TCP10L: variants seen among roughly 807,000 people sequenced by gnomAD.
TCP10L encodes the protein T-complex protein 10A homolog 1.
Under a neutral mutation model 19.2 loss-of-function variants are expected in TCP10L, and 11 were observed. That is an observed-to-expected ratio of 0.57 (90% CI 0.36 to 0.95). The LOEUF (loss-of-function observed/expected upper bound fraction) is 0.95. Ranked by LOEUF, TCP10L falls within the 40% of genes least tolerant of loss-of-function variation. The pLI, the probability that TCP10L is intolerant of heterozygous loss-of-function variation, is 0.01. For missense variants in TCP10L, 247 were observed against 263.9 expected, an observed-to-expected ratio of 0.94 and a Z score of 0.44; for synonymous variants, 96 against 97.2, an observed-to-expected ratio of 0.99 and a Z score of 0.07.
At chr21:32,584,052 T>C (rs2833916) in intron 2 of TCP10L, 109 bp downstream of exon 2, 526,434 of 1,410,202 alleles carry the variant, frequency 0.37, 100,502 homozygotes, top group African/African-American at 0.53. Flanking sequence ...CCCGGGGTGG[T>C]GCATTCCTAC....
At chr21:32,579,618 T>G (rs1053556223) in intron 3 of TCP10L, among the ~76,000 whole-genome samples, 2 of 152,178 alleles carry the variant, frequency 1.3e-5, no homozygotes, top group Non-Finnish European at 2.9e-5. Context: ...ACCAGTGCAA[T>G]GCACAGAATG....
In TCP10L at chr21:32,574,529, G is replaced by A. The variant is rs181162662; in HGVS notation, c.*2245C>T. 6.0e-6 allele frequency: 1 copy of A among 167,142 alleles called. No individual in the cohort carries two copies. The highest frequency in any genetic ancestry group is 1.5e-5 in the Non-Finnish European group (1 of 68,184). The allele number at this position is 167,142 out of a possible 1,614,324, so 10.4% of individuals were successfully genotyped here. A position where few individuals can be genotyped will look rare whatever the true frequency, so the allele number is the denominator to read the frequency against. ...AGGTGAGCTTCTCAGGTCTCCCTCA[G>A]GGGAACCTGGCGGGCCACCCTTGCA... On this transcript the variant is annotated 3_prime_UTR_variant, in exon 5 of 5. Transcript: ENST00000300258.
chr21:32,579,403 A>G (rs1374277131), intron 3 of TCP10L, among the ~76,000 whole-genome samples: 1 of 152,194 alleles, frequency 6.6e-6, no homozygotes, highest in Non-Finnish European at 1.5e-5. Flanking sequence ...TATCAGATCC[A>G]GAGTGGCTCA....
In TCP10L at chr21:32,578,645, G is replaced by C; in HGVS notation, c.498+49C>G. The C allele has an allele frequency of 6.3e-7, 1 of 1,584,240 alleles. No individual in the cohort carries two copies. The highest frequency in any genetic ancestry group is 8.6e-7 in the Non-Finnish European group (1 of 1,166,078). Reference sequence around the variant, plus strand: ...GGAGCTGATGGGATGTGTGTGTTTGGGTACAGAACCTCTGCTTCTCTTTAC... The same window carrying C: ...GGAGCTGATGGGATGTGTGTGTTTGCGTACAGAACCTCTGCTTCTCTTTAC... On this transcript the variant is annotated intron_variant, in intron 4 of 4. Transcript: ENST00000300258. The surrounding 1 kb of genome is among the most constrained non-coding windows in gnomAD (Gnocchi z 4.2).
chr21:32,580,124 C>T (rs183130501), intron 3 of TCP10L, among the ~76,000 whole-genome samples: 1 of 151,930 alleles, frequency 6.6e-6, no homozygotes, highest in African/African-American at 2.4e-5. Context: ...TTGTTTTTTT[C>T]AGACGGAGTC....
In TCP10L at chr21:32,584,300, A is replaced by G; in HGVS notation, c.5T>C (p.Leu2Pro). The change falls in exon 2 of 5, where the codon CTG becomes CCG. Residue 2 changes from leucine to proline, a missense_variant. Transcript: ENST00000300258. Reference protein sequence around the residue: MLAGQLEARDPK... With the variant: MPAGQLEARDPK... ...GTCCCTGGCCTCGAGTTGACCTGCC[A>G]GCATCCTGGTTGGGAAGGGAAGGGC... The G allele has an allele frequency of 1.2e-6, 2 of 1,613,478 alleles. No homozygotes were observed. The highest frequency in any genetic ancestry group is 2.2e-5 in the South Asian group (2 of 91,010).
chr21:32,583,679 C>T (rs560871954), intron 2 of TCP10L, among the ~76,000 whole-genome samples: 2 of 151,824 alleles, frequency 1.3e-5, no homozygotes, highest in Admixed American at 6.5e-5. Context: ...TTCACTGGAT[C>T]GTAGAGCCTC....
At position 32,583,811 on chromosome 21, in the gene TCP10L, G is replaced by A. The variant is rs932673346; in HGVS notation, c.144+350C>T. On this transcript the variant is annotated intron_variant, in intron 2 of 4. Transcript: ENST00000300258. ...AGCACTGTCCAACAGGGTCCAATGA[G>A]GAAGATGGTAAAAATCAGGAAACTT... Among the ~76,000 whole-genome samples, 4 of 69,070 alleles carry A rather than the reference G, an allele frequency of 5.8e-5. No individual in the cohort carries two copies. In the East Asian group the frequency reaches 2.0e-3, roughly 34 times the overall value. The allele number at this position is 69,070 out of a possible 152,430, so 45.3% of individuals were successfully genotyped here.
In TCP10L at chr21:32,578,012, ATGCTAC is replaced by A. The variant is rs2038453473; in HGVS notation, c.498+676_498+681del. On this transcript the variant is annotated intron_variant, in intron 4 of 4. Coordinates refer to ENST00000300258, the MANE Select transcript of TCP10L (RefSeq NM_144659.7). This position sits in a 1 kb window ranked among gnomAD's most constrained non-coding sequence, Gnocchi z 4.2. ...CATGTCCTTAAGGCACAGATCGCTCATGCTACTGTTTGTGGTTTAAGAACGCCTTTA... is the reference window on the plus strand; with the variant it reads ...CATGTCCTTAAGGCACAGATCGCTCATGTTTGTGGTTTAAGAACGCCTTTA... Among the ~76,000 whole-genome samples the A allele has an allele frequency of 6.6e-6, 1 of 152,266 alleles. No homozygotes were observed. The highest frequency in any genetic ancestry group is 1.5e-5 in the Non-Finnish European group (1 of 68,050).
intron 4 of TCP10L, chr21:32,577,286 C>T: frequency 5.0e-6 from 1 of 199,586 alleles, no homozygotes. Flanking sequence ...TCGTACATTG[C>T]CCCGCATGCC....
Position 32,576,735 on chromosome 21 carries a change from T to G in TCP10L, c.*39A>C, listed in dbSNP as rs374147060. 4.4e-6 allele frequency: 7 copies of G among 1,603,942 alleles called. No individual in the cohort carries two copies. The African/African-American group carries it at 9.4e-5, about 22-fold the overall frequency. On this transcript the variant is annotated 3_prime_UTR_variant, in exon 5 of 5. Transcript: ENST00000300258. ...GAATCTGAATTTTCCAAGGGGCCAGTGTAGAGTGACACAGGTGTCCGAGGC... is the reference window on the plus strand; with the variant it reads ...GAATCTGAATTTTCCAAGGGGCCAGGGTAGAGTGACACAGGTGTCCGAGGC...
chr21:32,578,886 A>G lies in TCP10L; in HGVS notation c.361-55T>C. On this transcript the variant is annotated intron_variant, in intron 3 of 4. Coordinates refer to ENST00000300258, the MANE Select transcript of TCP10L (RefSeq NM_144659.7). The surrounding 1 kb of genome is among the most constrained non-coding windows in gnomAD (Gnocchi z 4.2). ...ACATTTTCGAAGGTAAAATAAATTC[A>G]AATTTTAATACAATGAAGAATAATT... is the stretch of plus-strand genomic sequence containing the variant. 1 of 1,612,204 alleles carries G rather than the reference A, an allele frequency of 6.2e-7. No homozygotes were observed. Among genetic ancestry groups the G allele is most frequent in the Non-Finnish European group, 8.5e-7 (1 of 1,179,158 alleles).
chr21:32,583,288 G>A (rs1601127417), intron 2 of TCP10L, among the ~76,000 whole-genome samples: 2 of 151,694 alleles, frequency 1.3e-5, no homozygotes, highest in East Asian at 1.9e-4. Flanking sequence ...ATGGTCAATA[G>A]TTTAAAAATT....
rs1207873458 is a variant in TCP10L, at chr21:32,582,598, CT to C, written c.145-184del. 6.6e-6 allele frequency among the ~76,000 whole-genome samples: 1 copy of C among 151,990 alleles called. No homozygotes were observed. Among genetic ancestry groups the C allele is most frequent in the Non-Finnish European group, 1.5e-5 (1 of 68,008 alleles). ...TCTTCTTTCTTTCCTTTCTTTCTTT[CT>C]TTTCTTTTCTTTTTTCAGGGTCTCA... On this transcript the variant is annotated intron_variant, in intron 2 of 4. Transcript: ENST00000300258. This position sits in a 1 kb window ranked among gnomAD's most constrained non-coding sequence, Gnocchi z 4.2.
At position 32,580,476 on chromosome 21, in the gene TCP10L, C is replaced by CTGTGTGTGTGTGTGTGTG. The variant is rs3056366; in HGVS notation, c.361-1663_361-1646dup. ...CCTCTGGAATGTATTCGGTGGGTGC[C>CTGTGTGTGTGTGTGTGTG]TGTGTGTGTGTGTGTGTGTGTGTGT... On this transcript the variant is annotated intron_variant, in intron 3 of 4. Coordinates refer to ENST00000300258, the MANE Select transcript of TCP10L (RefSeq NM_144659.7). Among the ~76,000 whole-genome samples the CTGTGTGTGTGTGTGTGTG allele has an allele frequency of 1.1e-4, 15 of 137,318 alleles. No homozygotes were observed. The East Asian group carries it at 1.5e-3, about 14-fold the overall frequency. The allele number at this position is 137,318 out of a possible 152,430, so 90.1% of individuals were successfully genotyped here.
In TCP10L at chr21:32,582,508, C is replaced by A; in HGVS notation, c.145-93G>T. On this transcript the variant is annotated intron_variant, in intron 2 of 4. Coordinates refer to ENST00000300258, the MANE Select transcript of TCP10L (RefSeq NM_144659.7). The surrounding 1 kb of genome is among the most constrained non-coding windows in gnomAD (Gnocchi z 4.2). ...TACTCAAGCCCTCTCTGATGTAAGACCAACACTATTTCTGGAATAAAAGAC... is the reference window on the plus strand; with the variant it reads ...TACTCAAGCCCTCTCTGATGTAAGAACAACACTATTTCTGGAATAAAAGAC... 8.6e-7 allele frequency: 1 copy of A among 1,168,718 alleles called. No homozygotes were observed. The highest frequency in any genetic ancestry group is 1.2e-6 in the Non-Finnish European group (1 of 822,380). 72.4% of individuals were successfully genotyped at this position (1,168,718 alleles called of 1,614,324 possible).
At position 32,584,151 on chromosome 21, in the gene TCP10L, C is replaced by G; in HGVS notation, c.144+10G>C. 1 of 1,609,894 alleles carries G rather than the reference C, an allele frequency of 6.2e-7. No homozygotes were observed. The highest frequency in any genetic ancestry group is 8.5e-7 in the Non-Finnish European group (1 of 1,177,274). ...TGGGACTAACTCTGTCCCCACAGAG[C>G]TCAACTCACTGGCATCTCCCCAGTG... is the stretch of plus-strand genomic sequence containing the variant. On this transcript the variant is annotated intron_variant, in intron 2 of 4. Transcript: ENST00000300258.
chr21:32,580,168 C>T lies in TCP10L; in HGVS notation c.361-1337G>A, dbSNP rs576696882. Among the ~76,000 whole-genome samples, 18 of 152,156 alleles carry T rather than the reference C, an allele frequency of 1.2e-4. 1 individual carries two copies. The highest frequency in any genetic ancestry group is 3.4e-3 in the Middle Eastern group (1 of 294). On this transcript the variant is annotated intron_variant, in intron 3 of 4. Coordinates refer to ENST00000300258, the MANE Select transcript of TCP10L (RefSeq NM_144659.7). ...TCCCCCAGGCTGGAGTGCAGTGGCG[C>T]GATCTCGGCTCACTGCAAGCTCCAC... is the stretch of plus-strand genomic sequence containing the variant.
rs746406922 is a variant in TCP10L, at chr21:32,578,819, C to G, written c.373G>C (p.Ala125Pro). Residue 125 changes from alanine (A) to proline (P), a missense_variant, in exon 4 of 5, where the codon GCT (alanine) becomes CCT (proline). Ala to Pro is a conservative substitution (Grantham distance 27, BLOSUM62 -1). Coordinates refer to ENST00000300258, the MANE Select transcript of TCP10L (RefSeq NM_144659.7). This position sits in a 1 kb window ranked among gnomAD's most constrained non-coding sequence, Gnocchi z 4.2. The stretch of plus-strand genomic sequence containing the variant: ...GACAGAGGTGAAATTTTTCCAAAAG[C>G]AGGTTCCAATGCCTAAAAGACAAAA... The part of the protein sequence containing the change: ...QESHTLALEP[A>P]FGKISPLSAD... 1.9e-6 allele frequency: 3 copies of G among 1,614,112 alleles called. No individual in the cohort carries two copies. The highest frequency in any genetic ancestry group is 1.1e-5 in the South Asian group (1 of 91,052).
Sources: gnomAD v4.1 joint callset for allele counts (sites outside exome capture counted in the v4.1 genomes callset) on GRCh38, gnomAD v4.1.1 for gene constraint, Gnocchi (gnomAD v3.1) non-coding constraint, MANE v1.5 for transcripts, NCBI Gene and HGNC (gene_info 2026-07-23, HGNC 2026-07-21) for gene names.